IMMP2L: variants seen among roughly 807,000 people sequenced by gnomAD.
IMMP2L encodes inner mitochondrial membrane peptidase subunit 2.
A neutral mutation model predicts 19.3 loss-of-function variants in IMMP2L; 18 were observed. That is an observed-to-expected ratio of 0.93 (90% CI 0.64 to 1.38). The LOEUF is 1.38. Among genes scored for constraint, IMMP2L ranks in the 40% most tolerant of loss-of-function variants. The pLI, the probability that IMMP2L is intolerant of heterozygous loss-of-function variation, is 0.00. For synonymous variants in IMMP2L, 76 were observed against 73.0 expected, an observed-to-expected ratio of 1.04 and a Z score of -0.21; for missense variants, 233 against 218.2, an observed-to-expected ratio of 1.07 and a Z score of -0.43.
intron 3 of IMMP2L, among the ~76,000 whole-genome samples, chr7:111,075,280 C>A (rs923195698): frequency 6.6e-6 from 1 of 151,890 alleles, no homozygotes; most frequent in African/African-American, 2.4e-5. Flanking sequence ...GCATGCACAA[C>A]CATGCACTGC....
intron 3 of IMMP2L, among the ~76,000 whole-genome samples, chr7:111,170,995 T>C (rs536020603): frequency 1.3e-5 from 2 of 151,980 alleles, no homozygotes; most frequent in East Asian, 3.9e-4. Context: ...AATCAGGTTA[T>C]ATGAATAGTT....
rs147930482 is a variant in IMMP2L, at chr7:110,976,864, A to G, written c.240-13299T>C. On this transcript the variant is annotated intron_variant, in intron 3 of 5. Transcript: ENST00000405709. Reference sequence around the variant, plus strand: ...GCCATAATATATTTCTAAAATGACCATGACAATACTGATTTTAAAACATGT... The same window carrying G: ...GCCATAATATATTTCTAAAATGACCGTGACAATACTGATTTTAAAACATGT... Among the ~76,000 whole-genome samples, 459 of 152,152 alleles carry G rather than the reference A, an allele frequency of 3.0e-3. 2 individuals are homozygous for G. The highest frequency in any genetic ancestry group is 5.0e-3 in the Non-Finnish European group (338 of 67,912).
At chr7:111,496,099 A>C (rs1408444197) in intron 2 of IMMP2L, among the ~76,000 whole-genome samples, 2 of 152,192 alleles carry the variant, frequency 1.3e-5, no homozygotes, top group East Asian at 3.8e-4. Flanking sequence ...GCATGAAGTA[A>C]GTACAGTTAA....
chr7:111,251,992 T>A (rs967610583), intron 3 of IMMP2L, among the ~76,000 whole-genome samples: 4 of 151,800 alleles, frequency 2.6e-5, no homozygotes, highest in African/African-American at 9.7e-5. Flanking sequence ...ATAAACTCTC[T>A]CCTGAAAAAA....
chr7:110,852,462 G>A (rs1478221566), intron 5 of IMMP2L, among the ~76,000 whole-genome samples: 1 of 151,834 alleles, frequency 6.6e-6, no homozygotes, highest in African/African-American at 2.4e-5. Context: ...CATGCAACGG[G>A]GTGCATTATA....
intron 3 of IMMP2L, among the ~76,000 whole-genome samples, chr7:111,108,150 C>T (rs1350825003): frequency 6.9e-6 from 1 of 145,842 alleles, no homozygotes; most frequent in Non-Finnish European, 1.5e-5. Flanking sequence ...AGACAAAAAC[C>T]TCACAGATTG....
intron 1 of IMMP2L, 25 bp from the exon 2 acceptor site, chr7:111,521,474 T>G: frequency 6.4e-7 from 1 of 1,574,186 alleles, no homozygotes; most frequent in Middle Eastern, 1.7e-4. Flanking sequence ...AAAACAACTA[T>G]GAAATTAGTC....
chr7:110,703,849 AT>A (rs563168916), intron 5 of IMMP2L, among the ~76,000 whole-genome samples: 186 of 145,996 alleles, frequency 1.3e-3, no homozygotes, highest in Middle Eastern at 3.6e-3. Flanking sequence ...TAAGAGAATA[AT>A]TTTTTTTTTT....
intron 5 of IMMP2L, among the ~76,000 whole-genome samples, chr7:110,846,206 C>T (rs1805642220): frequency 6.6e-6 from 1 of 151,996 alleles, no homozygotes; most frequent in Non-Finnish European, 1.5e-5. Flanking sequence ...GATCATTTAA[C>T]CCCCAAGAAA....
At chr7:110,932,286 G>A (rs557224554) in intron 4 of IMMP2L, among the ~76,000 whole-genome samples, 1 of 152,222 alleles carries the variant, frequency 6.6e-6, no homozygotes, top group African/African-American at 2.4e-5. Context: ...AGTCTTAGAT[G>A]TTTAAGCCCT....
chr7:110,730,537 T>TG (rs1370516490), intron 5 of IMMP2L, among the ~76,000 whole-genome samples: 1 of 151,750 alleles, frequency 6.6e-6, no homozygotes, highest in African/African-American at 2.4e-5. Flanking sequence ...TTTTTCTTTT[T>TG]TTTTTTTTTG....
chr7:111,442,045 G>A (rs1004888175), intron 3 of IMMP2L, among the ~76,000 whole-genome samples: 1 of 151,740 alleles, frequency 6.6e-6, no homozygotes, highest in Non-Finnish European at 1.5e-5. Flanking sequence ...GCTGAGGCAA[G>A]AGAATCGCTT....
At chr7:111,024,421 C>A (rs1353638277) in intron 3 of IMMP2L, among the ~76,000 whole-genome samples, 1 of 152,116 alleles carries the variant, frequency 6.6e-6, no homozygotes. Flanking sequence ...CTAGGAACTC[C>A]AAATGCCTTG....
At chr7:111,301,549 A>G (rs1201223414) in intron 3 of IMMP2L, among the ~76,000 whole-genome samples, 1 of 152,024 alleles carries the variant, frequency 6.6e-6, no homozygotes, top group Non-Finnish European at 1.5e-5. Context: ...GATCCTAAAG[A>G]TTTTAACCTA....
intron 5 of IMMP2L, among the ~76,000 whole-genome samples, chr7:110,810,247 A>G (rs910634942): frequency 1.3e-5 from 2 of 152,124 alleles, no homozygotes; most frequent in African/African-American, 4.8e-5. Context: ...AAAAAGGACT[A>G]TAAGAGAATT....
chr7:111,178,857 G>T (rs1244118995), intron 3 of IMMP2L, among the ~76,000 whole-genome samples: 1 of 151,940 alleles, frequency 6.6e-6, no homozygotes, highest in African/African-American at 2.4e-5. Context: ...AGTCATCCAT[G>T]AGCATTGGAA....
At chr7:111,416,395 T>A (rs1170903839) in intron 3 of IMMP2L, among the ~76,000 whole-genome samples, 1 of 151,902 alleles carries the variant, frequency 6.6e-6, no homozygotes, top group South Asian at 2.1e-4. Context: ...GGAATTACTG[T>A]CAAATGCCAT....
Position 111,119,629 on chromosome 7 carries a change from T to A in IMMP2L, c.240-156064A>T, listed in dbSNP as rs75539080. On this transcript the variant is annotated intron_variant, in intron 3 of 5. Coordinates refer to ENST00000405709, the MANE Select transcript of IMMP2L (RefSeq NM_032549.4). Reference sequence around the variant, plus strand: ...ACACATTAAAACAGATTTACTGAAATTAGAAATTAAGCAGATAGAATTACT... The same window carrying A: ...ACACATTAAAACAGATTTACTGAAAATAGAAATTAAGCAGATAGAATTACT... Among the ~76,000 whole-genome samples the A allele has an allele frequency of 3.0e-4, 46 of 152,326 alleles. No homozygotes were observed. In the East Asian group the frequency reaches 7.3e-3, roughly 24 times the overall value.
intron 3 of IMMP2L, among the ~76,000 whole-genome samples, chr7:111,197,327 G>A (rs574924297): frequency 1.4e-4 from 22 of 152,164 alleles, no homozygotes; most frequent in African/African-American, 5.1e-4. Flanking sequence ...GCCGGGCGTG[G>A]TGGCGGGCGC....
Sources: allele counts gnomAD v4.1 joint callset (sites outside exome capture counted in the v4.1 genomes callset), GRCh38; gene constraint gnomAD v4.1.1; transcripts MANE v1.5; gene names NCBI Gene and HGNC (gene_info 2026-07-23, HGNC 2026-07-21).